Variants in GALNT13 observed in about 807,000 individuals in gnomAD.
GALNT13 encodes polypeptide N-acetylgalactosaminyltransferase 13.
Under a neutral mutation model 64.2 loss-of-function variants are expected in GALNT13, and 28 were observed. The observed-to-expected ratio is 0.44, with a 90% CI of 0.32 to 0.60. The LOEUF (loss-of-function observed/expected upper bound fraction) is 0.60. Among genes scored for constraint, GALNT13 ranks in the 20% least tolerant of loss-of-function variants. GALNT13 has a pLI of 0.05. For synonymous variants in GALNT13, 214 were observed against 224.6 expected (o/e 0.95, Z 0.42); for missense variants, 577 against 669.8 (o/e 0.86, Z 1.53).
At chr2:153,396,050 C>G in the GALNT13 span, among the ~76,000 whole-genome samples, 1 of 152,046 alleles carries the variant, frequency 6.6e-6, no homozygotes, top group East Asian at 1.9e-4. Flanking sequence ...GGGTGTGGCT[C>G]TGTTTCAATA....
the GALNT13 span, among the ~76,000 whole-genome samples, chr2:153,148,265 G>T: frequency 6.6e-6 from 1 of 151,826 alleles, no homozygotes; most frequent in African/African-American, 2.4e-5. Context: ...GAAGTGATTT[G>T]TAACAAAGCA....
chr2:154,147,385 A>G (rs949163158), intron 4 of GALNT13, among the ~76,000 whole-genome samples: 6 of 148,680 alleles, frequency 4.0e-5, no homozygotes, highest in African/African-American at 1.5e-4. Context: ...GGAATTTTAT[A>G]TATATATATA....
the GALNT13 span, among the ~76,000 whole-genome samples, chr2:153,392,684 C>T: frequency 6.6e-6 from 1 of 152,028 alleles, no homozygotes; most frequent in African/African-American, 2.4e-5. Context: ...AAAAGAATTA[C>T]ATACTCTTCT....
the GALNT13 span, among the ~76,000 whole-genome samples, chr2:153,415,499 C>A: frequency 5.9e-5 from 9 of 152,172 alleles, no homozygotes; most frequent in East Asian, 7.7e-4. Flanking sequence ...TGTGTTAAAT[C>A]TTACTTGATA....
the GALNT13 span, chr2:153,477,945 G>A: frequency 2.3e-6 from 1 of 436,174 alleles, no homozygotes; most frequent in Non-Finnish European, 4.1e-6. Flanking sequence ...TCGCACCGTC[G>A]GTCTCCCCGC....
At chr2:153,109,519 T>C in the GALNT13 span, among the ~76,000 whole-genome samples, 146 of 152,294 alleles carry the variant, frequency 9.6e-4, no homozygotes, top group Non-Finnish European at 1.6e-3. Context: ...AAAGGTCTTC[T>C]GAAGTTCTAC....
At chr2:154,411,751 A>G (rs1699806442) in intron 11 of GALNT13, among the ~76,000 whole-genome samples, 1 of 151,772 alleles carries the variant, frequency 6.6e-6, no homozygotes, top group South Asian at 2.1e-4. Context: ...ATACAGTAGT[A>G]CATGTATTTC....
At chr2:153,254,202 T>G in the GALNT13 span, among the ~76,000 whole-genome samples, 1 of 152,110 alleles carries the variant, frequency 6.6e-6, no homozygotes. Flanking sequence ...CTTGGGAGGG[T>G]GTATGTGTCA....
chr2:153,899,668 A>G (rs1013035572), intron 1 of GALNT13, among the ~76,000 whole-genome samples: 4 of 151,998 alleles, frequency 2.6e-5, no homozygotes, highest in Non-Finnish European at 5.9e-5. Context: ...CTTGGTCTGA[A>G]TATTGAACTG....
chr2:153,327,075 C>T, the GALNT13 span, among the ~76,000 whole-genome samples: 4 of 151,858 alleles, frequency 2.6e-5, no homozygotes, highest in Non-Finnish European at 5.9e-5. Flanking sequence ...TGGAGCGAGA[C>T]TCTGTCTCAA....
the GALNT13 span, among the ~76,000 whole-genome samples, chr2:153,569,424 G>C: frequency 6.6e-6 from 1 of 151,224 alleles, no homozygotes; most frequent in Non-Finnish European, 1.5e-5. Context: ...TGTAAAATTG[G>C]TTTTGGGTTC....
the GALNT13 span, among the ~76,000 whole-genome samples, chr2:153,165,626 T>A: frequency 5.3e-5 from 8 of 152,172 alleles, no homozygotes; most frequent in Admixed American, 3.3e-4. Context: ...TATACACTAA[T>A]TGTGGAAACC....
At chr2:154,356,912 G>A (rs899672478) in intron 9 of GALNT13, among the ~76,000 whole-genome samples, 1 of 151,818 alleles carries the variant, frequency 6.6e-6, no homozygotes, top group African/African-American at 2.4e-5. Context: ...GATACCATAG[G>A]TATCTGTTTA....
the GALNT13 span, among the ~76,000 whole-genome samples, chr2:153,329,504 G>C: frequency 6.6e-6 from 1 of 152,068 alleles, no homozygotes; most frequent in Admixed American, 6.5e-5. Context: ...TTTTGGTTTT[G>C]ATTTGCATTT....
chr2:153,486,761 T>C, the GALNT13 span, among the ~76,000 whole-genome samples: 397 of 152,330 alleles, frequency 2.6e-3, 16 homozygotes, highest in East Asian at 0.068. Flanking sequence ...ATGTGCAGCA[T>C]AGACAATTTT....
intron 3 of GALNT13, among the ~76,000 whole-genome samples, chr2:154,120,778 T>G (rs181831843): frequency 2.6e-4 from 40 of 152,302 alleles, no homozygotes; most frequent in African/African-American, 9.1e-4. Flanking sequence ...TGAAGGCAAC[T>G]AGGTCAGTTT....
chr2:154,290,192 G>C (rs1488136723), intron 8 of GALNT13, among the ~76,000 whole-genome samples: 1 of 152,166 alleles, frequency 6.6e-6, no homozygotes, highest in African/African-American at 2.4e-5. Context: ...ACAAGTGGAA[G>C]TCTCACACCC....
the GALNT13 span, among the ~76,000 whole-genome samples, chr2:153,602,895 A>G: frequency 1.3e-5 from 2 of 151,908 alleles, no homozygotes; most frequent in Non-Finnish European, 2.9e-5. Flanking sequence ...TCAGCAAACC[A>G]AAGTAGAAAT....
chr2:153,664,074 C>T, the GALNT13 span, among the ~76,000 whole-genome samples: 37 of 152,270 alleles, frequency 2.4e-4, no homozygotes, highest in Admixed American at 2.1e-3. Context: ...CACGTATTGT[C>T]TTGATAAACA....
Sources: gnomAD v4.1 joint callset for allele counts (sites outside exome capture counted in the v4.1 genomes callset) on GRCh38, gnomAD v4.1.1 for gene constraint, MANE v1.5 for transcripts, NCBI Gene and HGNC (gene_info 2026-07-23, HGNC 2026-07-21) for gene names.